SEMA3A: variants seen among roughly 807,000 people sequenced by gnomAD.
The protein encoded by SEMA3A is semaphorin 3A, also known as semaphorin-3A.
SEMA3A carries 29 observed loss-of-function variants against 97.9 expected under a neutral mutation model. The ratio of observed to expected loss-of-function variants is 0.30; its 90% CI spans 0.22 to 0.40. The LOEUF (loss-of-function observed/expected upper bound fraction) is 0.40, where lower values mean the gene tolerates loss of function less well. SEMA3A is among the 10% of genes least tolerant of loss of function. The probability of loss-of-function intolerance (pLI) is 1.00; values close to 1 mark genes in which losing one functional copy is unlikely to be tolerated. For synonymous variants in SEMA3A, 321 were observed against 323.7 expected (o/e 0.99, Z 0.09); for missense variants, 763 against 951.3 (o/e 0.80, Z 2.60).
intron 3 of SEMA3A, among the ~76,000 whole-genome samples, chr7:84,271,319 C>G (rs1486017245): frequency 1.3e-5 from 2 of 151,982 alleles, no homozygotes; most frequent in African/African-American, 4.8e-5. Context: ...TTCCATGTAG[C>G]TGGGACTACA....
chr7:83,996,456 C>G (rs188673768), intron 12 of SEMA3A, among the ~76,000 whole-genome samples: 79 of 152,134 alleles, frequency 5.2e-4, no homozygotes, highest in Non-Finnish European at 3.2e-4. Flanking sequence ...GCATGTGCCA[C>G]CACGCCAGGC....
intron 3 of SEMA3A, among the ~76,000 whole-genome samples, chr7:84,252,685 G>A (rs1304541294): frequency 6.6e-6 from 1 of 152,066 alleles, no homozygotes; most frequent in Non-Finnish European, 1.5e-5. Flanking sequence ...GCTATATAGT[G>A]AAGAATAAAA....
At chr7:84,198,106 A>G (rs1471366396), upstream of SEMA3A, among the ~76,000 whole-genome samples, 1 of 152,158 alleles carries the variant, frequency 6.6e-6, no homozygotes, top group African/African-American at 2.4e-5. Context: ...TGTATTTGAC[A>G]CCATACACCA....
chr7:84,175,970 A>G (rs535387404), intron 1 of SEMA3A, among the ~76,000 whole-genome samples: 2 of 152,256 alleles, frequency 1.3e-5, no homozygotes, highest in South Asian at 4.1e-4. Flanking sequence ...CAAGCATTAA[A>G]TTTTCTCAGC....
chr7:84,110,733 A>T, intron 3 of SEMA3A, 144 bp from the exon 4 acceptor site: 1 of 840,982 alleles, frequency 1.2e-6, no homozygotes. Flanking sequence ...CATTTTAAGG[A>T]CTTATTTATT....
chr7:84,395,909 G>A (rs937013862), intron 1 of SEMA3A, among the ~76,000 whole-genome samples: 1 of 152,110 alleles, frequency 6.6e-6, no homozygotes, highest in Non-Finnish European at 1.5e-5. Context: ...GGTAAAAAAT[G>A]TATGTACAGA....
rs568776793 is a variant in SEMA3A at position 84,204,858 on chromosome 7, G to A, written c.-82-10190C>T. Among the ~76,000 whole-genome samples the A allele has an allele frequency of 8.5e-5, 13 of 152,258 alleles. No homozygotes were observed. In the South Asian group the frequency reaches 2.7e-3, roughly 32 times the overall value. On this transcript the variant is annotated intron_variant, in intron 3 of 3. Coordinates refer to the SEMA3A transcript ENST00000424555. ...ATCAGCCCTGCAACTGTAGGCAGCT[G>A]CAAATTGAAAGAGAGCAACGTTTCA...
intron 4 of SEMA3A, among the ~76,000 whole-genome samples, chr7:84,063,993 G>GA (rs1294687937): frequency 6.6e-6 from 1 of 151,470 alleles, no homozygotes; most frequent in Non-Finnish European, 1.5e-5. Flanking sequence ...TGAAATGAAG[G>GA]AAAAAATGTT....
intron 3 of SEMA3A, among the ~76,000 whole-genome samples, chr7:84,205,916 T>G (rs2116308180): frequency 6.6e-6 from 1 of 152,346 alleles, no homozygotes; most frequent in African/African-American, 2.4e-5. Context: ...TGTCACTAAT[T>G]ATTTTATATG....
rs61294678 is a variant in SEMA3A, at chr7:84,373,039, C to T, written c.-245-1139G>A. On this transcript the variant is annotated intron_variant, in intron 1 of 3. Coordinates refer to the SEMA3A transcript ENST00000424555. ...TTCCATTCGCTCTCTTGTCCTTTTG[C>T]CGTCACCATAAAATGTACATACCTG... Among the ~76,000 whole-genome samples the T allele has an allele frequency of 5.5e-3, 840 of 152,268 alleles. 13 individuals carry two copies. Among genetic ancestry groups the T allele is most frequent in the African/African-American group, 0.019 (788 of 41,570 alleles).
intron 2 of SEMA3A, among the ~76,000 whole-genome samples, chr7:84,321,784 G>A (rs532336058): frequency 6.7e-6 from 1 of 148,898 alleles, no homozygotes; most frequent in African/African-American, 2.5e-5. Flanking sequence ...GCTGAGGCAG[G>A]TGAATCGTGT....
chr7:84,238,402 C>T (rs1799284443), intron 3 of SEMA3A, among the ~76,000 whole-genome samples: 1 of 152,068 alleles, frequency 6.6e-6, no homozygotes, highest in Admixed American at 6.6e-5. Context: ...GAGTACAGGA[C>T]AGTGAATAAT....
chr7:84,475,728 G>T (rs1019202408), intron 1 of SEMA3A, among the ~76,000 whole-genome samples: 13 of 152,130 alleles, frequency 8.5e-5, no homozygotes, highest in African/African-American at 2.4e-4. Flanking sequence ...ACAGGAATAT[G>T]GGTTTACTTA....
chr7:84,478,682 A>G (rs1343373173), intron 1 of SEMA3A, among the ~76,000 whole-genome samples: 1 of 151,990 alleles, frequency 6.6e-6, no homozygotes, highest in Non-Finnish European at 1.5e-5. Context: ...AGAATATTAA[A>G]AAAAAACAAA....
At chr7:84,182,834 C>CAT (rs1036260503) in intron 1 of SEMA3A, among the ~76,000 whole-genome samples, 4 of 152,130 alleles carry the variant, frequency 2.6e-5, no homozygotes, top group African/African-American at 9.7e-5. Context: ...AAAGCCTCCT[C>CAT]ATATCTTCAT....
intron 1 of SEMA3A, among the ~76,000 whole-genome samples, chr7:84,448,533 A>G (rs1416505228): frequency 1.3e-5 from 2 of 152,260 alleles, no homozygotes; most frequent in Middle Eastern, 3.4e-3. Flanking sequence ...AGAAAAGGAG[A>G]TGAAGAAAGC....
At chr7:84,334,161 G>A (rs1041757576) in intron 2 of SEMA3A, among the ~76,000 whole-genome samples, 43 of 151,754 alleles carry the variant, frequency 2.8e-4, no homozygotes, top group African/African-American at 7.0e-4. Context: ...TCCAAATCTC[G>A]GAATTGATCT....
intron 1 of SEMA3A, among the ~76,000 whole-genome samples, chr7:84,455,215 A>G (rs904166257): frequency 1.7e-4 from 26 of 151,912 alleles, no homozygotes; most frequent in African/African-American, 6.0e-4. Context: ...AGGGATGGGG[A>G]GGAATAGCTC....
At chr7:84,049,703 T>A (rs1439660531) in intron 5 of SEMA3A, among the ~76,000 whole-genome samples, 1 of 152,058 alleles carries the variant, frequency 6.6e-6, no homozygotes, top group South Asian at 2.1e-4. Context: ...TTGATTCTTT[T>A]TTTTTTCATT....
Sources: gnomAD v4.1 joint callset for allele counts (sites outside exome capture counted in the v4.1 genomes callset) on GRCh38, gnomAD v4.1.1 for gene constraint, MANE v1.5 for transcripts, NCBI Gene and HGNC (gene_info 2026-07-23, HGNC 2026-07-21) for gene names.